MBP: variants seen among roughly 807,000 people sequenced by gnomAD.
MBP encodes Golli-MBP.
MBP carries 16 observed loss-of-function variants against 35.8 expected under a neutral mutation model. The ratio of observed to expected loss-of-function variants is 0.45; its 90% CI spans 0.30 to 0.68. The LOEUF (loss-of-function observed/expected upper bound fraction) is 0.68, where lower values mean the gene tolerates loss of function less well. Among genes scored for constraint, MBP ranks in the 30% least tolerant of loss-of-function variants. The pLI is 0.08. For synonymous variants in MBP, 143 were observed against 159.6 expected (o/e 0.90, Z 0.78); for missense variants, 380 against 404.7 (o/e 0.94, Z 0.52).
At chr18:77,128,521 CCACACACACA>C (rs56770189) in intron 1 of MBP, among the ~76,000 whole-genome samples, 1 of 147,732 alleles carries the variant, frequency 6.8e-6, no homozygotes, top group African/African-American at 2.5e-5. Context: ...CACGTGCATA[CCACACACACA>C]CACACACACA....
At chr18:77,100,493 C>T (rs1811660808) in intron 2 of MBP, among the ~76,000 whole-genome samples, 1 of 149,738 alleles carries the variant, frequency 6.7e-6, no homozygotes, top group African/African-American at 2.5e-5. Context: ...TAGCGCTGGC[C>T]TAGATAGAAT....
chr18:76,999,847 C>T (rs1970536016), intron 4 of MBP, among the ~76,000 whole-genome samples: 2 of 152,288 alleles, frequency 1.3e-5, no homozygotes, highest in African/African-American at 4.8e-5. Context: ...AAACTGTGAA[C>T]ATTTTTGGTT....
chr18:77,120,085 G>A (rs188420701), intron 1 of MBP, among the ~76,000 whole-genome samples: 1 of 152,316 alleles, frequency 6.6e-6, no homozygotes, highest in Admixed American at 6.5e-5. Flanking sequence ...GAGCACAGCC[G>A]TGCTCAGCCC....
chr18:77,048,448 A>T (rs1322535137), intron 3 of MBP, among the ~76,000 whole-genome samples: 1 of 152,148 alleles, frequency 6.6e-6, no homozygotes, highest in East Asian at 1.9e-4. Context: ...CGTCCCTAAC[A>T]ATCTCTGCAG....
At chr18:77,027,664 T>G (rs1001045008) in intron 3 of MBP, among the ~76,000 whole-genome samples, 4 of 152,192 alleles carry the variant, frequency 2.6e-5, no homozygotes, top group Non-Finnish European at 5.9e-5. Flanking sequence ...CAACATGACG[T>G]CCACCAGATA....
intron 3 of MBP, among the ~76,000 whole-genome samples, chr18:77,035,325 T>C (rs1449131618): frequency 6.6e-6 from 1 of 152,254 alleles, no homozygotes; most frequent in East Asian, 1.9e-4. Context: ...GTACGCCCTT[T>C]GGAATAGTTT....
chr18:77,094,136 C>G (rs755223213), intron 2 of MBP, among the ~76,000 whole-genome samples: 35 of 152,122 alleles, frequency 2.3e-4, no homozygotes, highest in South Asian at 2.1e-4. Flanking sequence ...ACCACTACAC[C>G]TGGCTAATTT....
intron 2 of MBP, among the ~76,000 whole-genome samples, chr18:77,072,867 T>A (rs1253960866): frequency 6.6e-6 from 1 of 152,220 alleles, no homozygotes; most frequent in Non-Finnish European, 1.5e-5. Context: ...GGACTGCAAA[T>A]GGCACATTTC....
intron 4 of MBP, among the ~76,000 whole-genome samples, chr18:76,992,584 C>T (rs1352795648): frequency 6.6e-6 from 1 of 152,222 alleles, no homozygotes; most frequent in Non-Finnish European, 1.5e-5. Context: ...AGCCAAAGCT[C>T]TTTGTCCCCT....
intron 4 of MBP, among the ~76,000 whole-genome samples, chr18:76,998,951 TTTTAAGAGCAGTGTTTTGGGGGG>T (rs1405051552): frequency 3.3e-5 from 5 of 151,362 alleles, no homozygotes; most frequent in Non-Finnish European, 5.9e-5. Flanking sequence ...TGTCAGCGGA[TTTTAAGAGCAGTGTTTTGGGGGG>T]TTTAAGAGCA....
At chr18:77,070,586 T>A (rs1417146679) in intron 2 of MBP, among the ~76,000 whole-genome samples, 2 of 152,174 alleles carry the variant, frequency 1.3e-5, no homozygotes, top group African/African-American at 4.8e-5. Context: ...AACCAGTGAT[T>A]AGTCTCATTT....
intron 8 of MBP, chr18:76,982,559 GT>G (rs987242294): frequency 6.6e-6 from 1 of 152,238 alleles, no homozygotes; most frequent in Non-Finnish European, 1.5e-5. Flanking sequence ...GACATGCATA[GT>G]TTTTTCTACC....
chr18:77,057,824 GTT>G lies in MBP; in HGVS notation c.139+8472_139+8473del, dbSNP rs780881071. Reference sequence around the variant, plus strand: ...GGGACACCTGAGGAAGGCGGGGAGTGTTTTTTTTTTTTTTTTTTTTGAGACGG... The same window carrying G: ...GGGACACCTGAGGAAGGCGGGGAGTGTTTTTTTTTTTTTTTTTTGAGACGG... On this transcript the variant is annotated intron_variant, in intron 3 of 8. Transcript: ENST00000355994. Among the ~76,000 whole-genome samples, 2 of 9,192 alleles carry G rather than the reference GTT, an allele frequency of 2.2e-4. 1 individual carries two copies. Among genetic ancestry groups the G allele is most frequent in the African/African-American group, 1.7e-3 (2 of 1,200 alleles). The allele number at this position is 9,192 out of a possible 152,430, so 6.0% of individuals were successfully genotyped here. A position where few individuals can be genotyped will look rare whatever the true frequency, so the allele number is the denominator to read the frequency against.
chr18:77,088,080 T>C (rs1319266850), intron 2 of MBP, among the ~76,000 whole-genome samples: 10 of 152,130 alleles, frequency 6.6e-5, no homozygotes, highest in Admixed American at 6.5e-4. Context: ...GGCCGGGTTC[T>C]CGCCCACAGC....
At chr18:77,002,527 A>G (rs1441832029) in intron 4 of MBP, among the ~76,000 whole-genome samples, 1 of 152,078 alleles carries the variant, frequency 6.6e-6, no homozygotes, top group African/African-American at 2.4e-5. Flanking sequence ...AAAGGATTCA[A>G]TGCAAAGCCA....
intron 3 of MBP, among the ~76,000 whole-genome samples, chr18:77,042,217 G>A (rs995559822): frequency 6.6e-6 from 1 of 152,146 alleles, no homozygotes; most frequent in Admixed American, 6.5e-5. Flanking sequence ...TGCAGGAAGT[G>A]GCATGCTCTC....
In MBP at chr18:77,131,221, G is replaced by A. The variant is rs1293556054; in HGVS notation, c.-26+1359C>T. Among the ~76,000 whole-genome samples the A allele has an allele frequency of 6.6e-6, 1 of 152,090 alleles. No homozygotes were observed. Among genetic ancestry groups the A allele is most frequent in the Non-Finnish European group, 1.5e-5 (1 of 68,036 alleles). ...CACAGCCCCGGCCCCAACCGCTAAGGAGGTGCTCATCACTGGAGGTGGCCG... is the reference window on the plus strand; with the variant it reads ...CACAGCCCCGGCCCCAACCGCTAAGAAGGTGCTCATCACTGGAGGTGGCCG... On this transcript the variant is annotated intron_variant, in intron 1 of 8. Coordinates refer to ENST00000355994, the MANE Select transcript of MBP (RefSeq NM_001025101.2). This position sits in a 1 kb window ranked among gnomAD's most constrained non-coding sequence, Gnocchi z 5.5.
At chr18:77,126,261 C>G (rs1977043961) in intron 1 of MBP, among the ~76,000 whole-genome samples, 1 of 152,180 alleles carries the variant, frequency 6.6e-6, no homozygotes, top group African/African-American at 2.4e-5. Flanking sequence ...AAGGGTGGGT[C>G]AGCATTAGAG....
intron 3 of MBP, among the ~76,000 whole-genome samples, chr18:77,029,301 C>T (rs1298956144): frequency 8.7e-5 from 13 of 149,594 alleles, no homozygotes; most frequent in Non-Finnish European, 1.2e-4. Context: ...ATCGCAGGCA[C>T]TCGGCAGGCT....
Sources: allele counts gnomAD v4.1 joint callset (sites outside exome capture counted in the v4.1 genomes callset), GRCh38; gene constraint gnomAD v4.1.1; non-coding constraint Gnocchi (gnomAD v3.1); transcripts MANE v1.5; gene names NCBI Gene and HGNC (gene_info 2026-07-23, HGNC 2026-07-21).